ENTPD3: variants seen among roughly 807,000 people sequenced by gnomAD.
The protein encoded by ENTPD3 is ectonucleoside triphosphate diphosphohydrolase 3.
Under a neutral mutation model 51.2 loss-of-function variants are expected in ENTPD3, and 60 were observed. The ratio of observed to expected loss-of-function variants is 1.17; its 90% confidence interval spans 0.95 to 1.45. ENTPD3 has a LOEUF of 1.45. Ranked by LOEUF, ENTPD3 falls within the 40% of genes most tolerant of loss-of-function variation. ENTPD3 has a pLI of 0.00. For synonymous variants in ENTPD3, 221 were observed against 238.4 expected, an observed-to-expected ratio of 0.93 and a Z score of 0.67; for missense variants, 593 against 641.1, an observed-to-expected ratio of 0.93 and a Z score of 0.81.
chr3:40,391,928 A>G, intron 2 of ENTPD3, 95 bp from the exon 3 acceptor site: 1 of 1,454,320 alleles, frequency 6.9e-7, no homozygotes, highest in Non-Finnish European at 9.6e-7. Context: ...TGGTTTATGC[A>G]CCTGATTATG....
Position 40,388,100 on chromosome 3 carries a change from T to G in ENTPD3, c.40+3T>G, listed in dbSNP as rs1412778819. 6.2e-7 allele frequency: 1 copy of G among 1,614,144 alleles called. No homozygotes were observed. The highest frequency in any genetic ancestry group is 8.5e-7 in the Non-Finnish European group (1 of 1,180,012). ...CCGCCAACCATGTGAGCAAGCAGGT[T>G]AGTATCTCTCAGCAGGTAGCAAGCG... On this transcript the variant is annotated splice_donor_region_variant and intron_variant, in intron 2 of 10. Coordinates refer to ENST00000301825, the MANE Select transcript of ENTPD3 (RefSeq NM_001248.4).
At chr3:40,403,519 G>A (rs1955419742) in intron 4 of ENTPD3, among the ~76,000 whole-genome samples, 1 of 152,164 alleles carries the variant, frequency 6.6e-6, no homozygotes, top group South Asian at 2.1e-4. Flanking sequence ...GCAAGATCTT[G>A]AGCAAGGCAG....
Position 40,422,883 on chromosome 3 carries a change from T to C in ENTPD3, c.865T>C (p.Cys289Arg). 2.5e-6 allele frequency: 4 copies of C among 1,613,582 alleles called. No homozygotes were observed. The highest frequency in any genetic ancestry group is 3.4e-6 in the Non-Finnish European group (4 of 1,179,876). ...SPTKNHLTNPCYPRDYSISFT... is the reference protein window; with the variant it reads ...SPTKNHLTNPRYPRDYSISFT... ...TACCAAAAACCATCTCACCAATCCC[T>C]GTTACCCTCGGGATTATAGCATCAG... is the stretch of plus-strand genomic sequence containing the variant. The change falls in exon 8 of 11, where the codon TGT becomes CGT. Residue 289 changes from cysteine (C) to arginine (R), a missense_variant. Cys to Arg is a radical substitution (Grantham distance 180). Transcript: ENST00000301825.
At chr3:40,415,344 A>C (rs1955721636) in intron 6 of ENTPD3, among the ~76,000 whole-genome samples, 1 of 152,196 alleles carries the variant, frequency 6.6e-6, no homozygotes, top group Non-Finnish European at 1.5e-5. Flanking sequence ...GCCATGTTAC[A>C]GGGGGCACAA....
At chr3:40,396,343 A>C (rs1456678381) in intron 3 of ENTPD3, among the ~76,000 whole-genome samples, 1 of 152,154 alleles carries the variant, frequency 6.6e-6, no homozygotes, top group Non-Finnish European at 1.5e-5. Context: ...AGTTGAGCAA[A>C]TATGAGGGAT....
Position 40,414,711 on chromosome 3 carries a change from C to T in ENTPD3, c.468C>T (p.Val156=). 1 of 1,614,052 alleles carries T rather than the reference C, an allele frequency of 6.2e-7. No homozygotes were observed. The highest frequency in any genetic ancestry group is 8.5e-7 in the Non-Finnish European group (1 of 1,179,978). ...AAAATGAAACAGCAGCTAATGAAGT[C>T]CTTGAAAGCATCCAAAGCTACTTCA... ...RLQNETAANE[V]LESIQSYFKS... Residue 156 remains valine, a synonymous_variant, in exon 6 of 11, where the codon GTC becomes GTT. Transcript: ENST00000301825.
At chr3:40,423,702 ATAAAG>A in intron 9 of ENTPD3, 119 bp from the exon 10 acceptor site, 2 of 1,090,956 alleles carry the variant, frequency 1.8e-6, no homozygotes, top group East Asian at 2.5e-5. Context: ...TGATTGTATT[ATAAAG>A]TATTTTCTAT....
chr3:40,423,034 CT>C lies in ENTPD3; in HGVS notation c.1018del (p.Ser340ProfsTer41). 6.2e-7 allele frequency: 1 copy of C among 1,614,080 alleles called. No homozygotes were observed. The highest frequency in any genetic ancestry group is 8.5e-7 in the Non-Finnish European group (1 of 1,179,976). Reference protein sequence around the residue: ...GDPSLCKEKVASIFDFKACHD... With the variant: ...GDPSLCKEKVXSIFDFKACHD... ...CCATCTCTGTGTAAGGAGAAGGTGG[CT>C]TCCATATTTGACTTCAAAGCTTGCC... On this transcript the variant is annotated frameshift_variant, in exon 8 of 11. Transcript: ENST00000301825. LOFTEE classifies it high-confidence loss of function.
intron 3 of ENTPD3, among the ~76,000 whole-genome samples, chr3:40,393,826 C>T (rs924006602): frequency 9.2e-5 from 14 of 151,746 alleles, no homozygotes; most frequent in Non-Finnish European, 1.6e-4. Flanking sequence ...GGGCGGATCA[C>T]GAGGTCAGGA....
At position 40,414,839 on chromosome 3, in the gene ENTPD3, A is replaced by G. The variant is rs938993770; in HGVS notation, c.596A>G (p.Glu199Gly). Residue 199 changes from glutamate (E) to glycine (G), a missense_variant and splice_region_variant, in exon 6 of 11, where the codon GAG (glutamate) becomes GGG (glycine). By Grantham distance (98) the Glu-to-Gly change is moderately conservative. Transcript: ENST00000301825. ...TANYLMGNFL[E>G]KNLWHMWVHP... Reference sequence around the variant, plus strand: ...AACTATTTAATGGGAAATTTCCTGGAGGTGTGTGCAAACAAATGCATGGTT... The same window carrying G: ...AACTATTTAATGGGAAATTTCCTGGGGGTGTGTGCAAACAAATGCATGGTT... 3.1e-6 allele frequency: 5 copies of G among 1,613,928 alleles called. No homozygotes were observed. The highest frequency in any genetic ancestry group is 2.5e-6 in the Non-Finnish European group (3 of 1,179,904).
At position 40,423,022 on chromosome 3, in the gene ENTPD3, A is replaced by G; in HGVS notation, c.1004A>G (p.Lys335Arg). ...GGAACTGGGGACCCATCTCTGTGTA[A>G]GGAGAAGGTGGCTTCCATATTTGAC... ...FEGTGDPSLC[K>R]EKVASIFDFK... is the part of the protein sequence containing the mutation. The change falls in exon 8 of 11, where the codon AAG (lysine) becomes AGG (arginine). Residue 335 changes from lysine to arginine, a missense_variant. Lys to Arg is a conservative substitution (Grantham distance 26). Transcript: ENST00000301825. 6.2e-7 allele frequency: 1 copy of G among 1,614,126 alleles called. No homozygotes were observed. Among genetic ancestry groups the G allele is most frequent in the Non-Finnish European group, 8.5e-7 (1 of 1,179,992 alleles).
chr3:40,399,183 C>G (rs2125592347), intron 3 of ENTPD3, among the ~76,000 whole-genome samples: 1 of 152,178 alleles, frequency 6.6e-6, no homozygotes. Flanking sequence ...GGTGGCACCA[C>G]TGCATATATA....
intron 4 of ENTPD3, 45 bp from the exon 5 acceptor site, chr3:40,411,767 T>C (rs1955636331): frequency 1.3e-6 from 2 of 1,532,364 alleles, no homozygotes; most frequent in Non-Finnish European, 1.8e-6. Flanking sequence ...ATCACTGCGA[T>C]TGGTTCCTGG....
In ENTPD3 at chr3:40,422,327, T is replaced by A. The variant is rs1262584713; in HGVS notation, c.832-523T>A. ...AAAGTGGTTTCTAATACCTTACTCT[T>A]TTTTTTTTTTTTTTACTTAGAGATT... On this transcript the variant is annotated intron_variant, in intron 7 of 10. Coordinates refer to ENST00000301825, the MANE Select transcript of ENTPD3 (RefSeq NM_001248.4). 5.8e-3 allele frequency among the ~76,000 whole-genome samples: 28 copies of A among 4,800 alleles called. 1 individual carries two copies. The Admixed American group carries it at 0.18, about 32-fold the overall frequency. The allele number at this position is 4,800 out of a possible 152,430, so 3.1% of individuals were successfully genotyped here.
intron 5 of ENTPD3, among the ~76,000 whole-genome samples, chr3:40,413,071 C>T (rs1322712611): frequency 6.6e-6 from 1 of 152,192 alleles, no homozygotes; most frequent in East Asian, 1.9e-4. Flanking sequence ...CCTTTACAGG[C>T]TATTAATTCC....
intron 7 of ENTPD3, among the ~76,000 whole-genome samples, chr3:40,422,076 G>C (rs1326916822): frequency 6.6e-6 from 1 of 151,996 alleles, no homozygotes; most frequent in African/African-American, 2.4e-5. Flanking sequence ...GCTATCATAA[G>C]AGCTGGATCA....
At chr3:40,420,786 G>A (rs1237529044) in intron 7 of ENTPD3, among the ~76,000 whole-genome samples, 4 of 151,900 alleles carry the variant, frequency 2.6e-5, no homozygotes, top group Non-Finnish European at 5.9e-5. Flanking sequence ...TTAAATAATT[G>A]CATTACTTGA....
intron 10 of ENTPD3, 41 bp from the exon 11 acceptor site, chr3:40,427,231 A>G: frequency 7.3e-6 from 11 of 1,505,170 alleles, no homozygotes; most frequent in Non-Finnish European, 9.2e-6. Context: ...TGCAGCCTTG[A>G]GCCTTGCCCT....
intron 7 of ENTPD3, among the ~76,000 whole-genome samples, chr3:40,417,503 G>C (rs1955773154): frequency 6.6e-6 from 1 of 151,994 alleles, no homozygotes; most frequent in Non-Finnish European, 1.5e-5. Context: ...AGAACAGCAA[G>C]GGGGAAATCC....
Sources: gnomAD v4.1 joint callset for allele counts (sites outside exome capture counted in the v4.1 genomes callset) on GRCh38, gnomAD v4.1.1 for gene constraint, MANE v1.5 for transcripts, NCBI Gene and HGNC (gene_info 2026-07-23, HGNC 2026-07-21) for gene names.